Variants in MAP2K5 observed in about 807,000 individuals in gnomAD.
The protein encoded by MAP2K5 is dual specificity mitogen-activated protein kinase kinase 5.
In MAP2K5, 49 loss-of-function variants were observed where a neutral mutation model predicts 83.1. That is an observed-to-expected ratio of 0.59 (90% CI 0.47 to 0.75). The LOEUF is 0.75. MAP2K5 is among the 30% of genes least tolerant of loss of function. MAP2K5 has a pLI of 0.00. For missense variants in MAP2K5, 457 were observed against 557.5 expected, an observed-to-expected ratio of 0.82 and a Z score of 1.82; for synonymous variants, 202 against 191.8, an observed-to-expected ratio of 1.05 and a Z score of -0.44.
intron 1 of MAP2K5, chr15:67,548,978 T>C (rs2140942790): frequency 1.4e-6 from 2 of 1,401,486 alleles, no homozygotes; most frequent in Non-Finnish European, 1.9e-6. Context: ...CAAAAGCTTC[T>C]AAAGAATTGC....
At chr15:67,744,267 A>T (rs577225127) in intron 17 of MAP2K5, among the ~76,000 whole-genome samples, 61 of 152,262 alleles carry the variant, frequency 4.0e-4, no homozygotes, top group African/African-American at 1.3e-3. Context: ...TTGAAGTTTT[A>T]AAAAAAAGAA....
rs555690569 is a variant in MAP2K5 at position 67,568,823 on chromosome 15, T to C, written c.252+5473T>C. On this transcript the variant is annotated intron_variant, in intron 3 of 21. Coordinates refer to ENST00000178640, the MANE Select transcript of MAP2K5 (RefSeq NM_145160.3). The stretch of plus-strand genomic sequence containing the variant: ...AGATCGTGACCATCCTGACTAACAC[T>C]GTGAAACCCCATTTCTACTAAAAAT... 3.3e-5 allele frequency among the ~76,000 whole-genome samples: 5 copies of C among 151,708 alleles called. No homozygotes were observed. In the East Asian group the frequency reaches 9.7e-4, roughly 29 times the overall value.
chr15:67,756,558 TGTGTTGA>T (rs1424714426), intron 19 of MAP2K5, among the ~76,000 whole-genome samples: 2 of 72,364 alleles, frequency 2.8e-5, no homozygotes, highest in East Asian at 3.3e-4. Context: ...TGTGTGTGTG[TGTGTTGA>T]TAACACTTAC....
In MAP2K5 at chr15:67,569,018, A is replaced by C. The variant is rs2084899366; in HGVS notation, c.252+5668A>C. On this transcript the variant is annotated intron_variant, in intron 3 of 21. Transcript: ENST00000178640. ...AAGACTCCATCTCAAAAAAAAAAAA[A>C]ACAAAAAAAAAAAACAAAACTCTGT... 2.7e-5 allele frequency among the ~76,000 whole-genome samples: 4 copies of C among 149,868 alleles called. No individual in the cohort carries two copies. In the South Asian group the frequency reaches 6.3e-4, roughly 24 times the overall value.
chr15:67,588,042 C>T, intron 6 of MAP2K5: 1 of 973,594 alleles, frequency 1.0e-6, no homozygotes, highest in Non-Finnish European at 1.2e-6. Flanking sequence ...AGCCATCTTG[C>T]CAGTGTACAG....
rs1176037337 is a variant in MAP2K5, at chr15:67,717,109, A to G, written c.1045-10807A>G. Among the ~76,000 whole-genome samples the G allele has an allele frequency of 2.6e-5, 4 of 152,162 alleles. No homozygotes were observed. The highest frequency in any genetic ancestry group is 9.7e-5 in the African/African-American group (4 of 41,438). ...ATCAAGTAGTTTGAAAAAAGAAGAG[A>G]TGAATGGTAAATGGAACTGAGCAGG... On this transcript the variant is annotated intron_variant, in intron 16 of 21. Transcript: ENST00000178640. This position sits in a 1 kb window ranked among gnomAD's most constrained non-coding sequence, Gnocchi z 4.1.
At chr15:67,597,185 A>G (rs77577252) in intron 7 of MAP2K5, among the ~76,000 whole-genome samples, 1 of 135,938 alleles carries the variant, frequency 7.4e-6, no homozygotes, top group Non-Finnish European at 1.6e-5. Context: ...GAAAAAAAAA[A>G]GAAAAAAAAA....
intron 19 of MAP2K5, among the ~76,000 whole-genome samples, chr15:67,759,037 T>C (rs1199289190): frequency 6.6e-6 from 1 of 152,234 alleles, no homozygotes; most frequent in African/African-American, 2.4e-5. Flanking sequence ...TTCTGTGTAC[T>C]CTGTTTAATT....
In MAP2K5 at chr15:67,738,901, T is replaced by C. The variant is rs12592373; in HGVS notation, c.1075-9330T>C. Among the ~76,000 whole-genome samples the C allele has an allele frequency of 0.11, 16,395 of 152,198 alleles. 976 individuals carry two copies. Among genetic ancestry groups the C allele is most frequent in the Admixed American group, 0.11 (1,727 of 15,282 alleles). On this transcript the variant is annotated intron_variant, in intron 17 of 21. Coordinates refer to ENST00000178640, the MANE Select transcript of MAP2K5 (RefSeq NM_145160.3). The surrounding 1 kb of genome is among the most constrained non-coding windows in gnomAD (Gnocchi z 4.1). The stretch of plus-strand genomic sequence containing the variant: ...GCCCTCTTGCTCATCACCATCTCCC[T>C]CCGATTACTTCCTTGAAGTTTACTG...
rs1158145133 is a variant in MAP2K5 at position 67,636,504 on chromosome 15, A to G, written c.585+5577A>G. ...ATGTGTCATATCTGGATCAGTTTTG[A>G]CTGATTCCTCTTCTCCTCACTTTGG... On this transcript the variant is annotated intron_variant, in intron 9 of 21. Coordinates refer to ENST00000178640, the MANE Select transcript of MAP2K5 (RefSeq NM_145160.3). This position sits in a 1 kb window ranked among gnomAD's most constrained non-coding sequence, Gnocchi z 4.7. Among the ~76,000 whole-genome samples, 2 of 150,926 alleles carry G rather than the reference A, an allele frequency of 1.3e-5. No individual in the cohort carries two copies. The highest frequency in any genetic ancestry group is 1.3e-4 in the Admixed American group (2 of 15,174).
At chr15:67,604,564 T>C (rs1215294411) in intron 8 of MAP2K5, among the ~76,000 whole-genome samples, 3 of 152,190 alleles carry the variant, frequency 2.0e-5, no homozygotes, top group Admixed American at 6.5e-5. Context: ...TAATGTCTTA[T>C]GCCTCAGTTT....
rs926882568 is a variant in MAP2K5 at position 67,603,395 on chromosome 15, C to T, written c.545+2646C>T. On this transcript the variant is annotated intron_variant, in intron 8 of 21. Coordinates refer to ENST00000178640, the MANE Select transcript of MAP2K5 (RefSeq NM_145160.3). Reference sequence around the variant, plus strand: ...TAACGTTAGGAATTTATCCTAAGAGCTCATTTAGCTACCGTTGCTAATGCT... The same window carrying T: ...TAACGTTAGGAATTTATCCTAAGAGTTCATTTAGCTACCGTTGCTAATGCT... 7.9e-5 allele frequency among the ~76,000 whole-genome samples: 12 copies of T among 152,282 alleles called. 1 individual carries two copies. Among genetic ancestry groups the T allele is most frequent in the Admixed American group, 7.2e-4 (11 of 15,294 alleles).
chr15:67,596,139 A>C (rs988665833), intron 7 of MAP2K5, among the ~76,000 whole-genome samples: 2 of 152,110 alleles, frequency 1.3e-5, no homozygotes, highest in Admixed American at 6.5e-5. Context: ...CTCTAGAAAA[A>C]CTTTTTGTAT....
chr15:67,670,880 T>C (rs1318478387), intron 13 of MAP2K5, among the ~76,000 whole-genome samples: 1 of 152,214 alleles, frequency 6.6e-6, no homozygotes, highest in African/African-American at 2.4e-5. Context: ...AATTGGACAG[T>C]TCTTTCTGTA....
At position 67,769,955 on chromosome 15, in the gene MAP2K5, G is replaced by A; in HGVS notation, c.1196+292G>A. 3.6e-6 allele frequency: 1 copy of A among 275,002 alleles called. No homozygotes were observed. Among genetic ancestry groups the A allele is most frequent in the Admixed American group, 5.0e-5 (1 of 19,888 alleles). The allele number at this position is 275,002 out of a possible 1,614,324, so 17.0% of individuals were successfully genotyped here. On this transcript the variant is annotated intron_variant, in intron 20 of 21. Transcript: ENST00000178640. The surrounding 1 kb of genome is among the most constrained non-coding windows in gnomAD (Gnocchi z 5.2). ...CTGTTGCCATCCTTTTTTAAAAAAA[G>A]AAATACACAATTTTATAGCCCCTAC...
At chr15:67,761,058 A>G (rs766877395) in intron 19 of MAP2K5, among the ~76,000 whole-genome samples, 1 of 151,910 alleles carries the variant, frequency 6.6e-6, no homozygotes, top group Non-Finnish European at 1.5e-5. Context: ...TCCATTCCAG[A>G]ATGGAGGCAG....
intron 8 of MAP2K5, among the ~76,000 whole-genome samples, chr15:67,624,317 C>G (rs984410283): frequency 2.5e-5 from 3 of 120,294 alleles, no homozygotes; most frequent in Non-Finnish European, 3.2e-5. Flanking sequence ...CCAGCCTGGG[C>G]GACAGAGCAA....
At chr15:67,694,759 G>T in intron 15 of MAP2K5, among the ~76,000 whole-genome samples, 1 of 151,884 alleles carries the variant, frequency 6.6e-6, no homozygotes, top group Non-Finnish European at 1.5e-5. Context: ...CCATTACCAG[G>T]TATATACCCA....
chr15:67,707,930 C>CAGTTT (rs1290795439), intron 16 of MAP2K5, among the ~76,000 whole-genome samples: 4 of 151,980 alleles, frequency 2.6e-5, no homozygotes, highest in Non-Finnish European at 4.4e-5. Flanking sequence ...TTAAGTTAAC[C>CAGTTT]AGTTTATTCT....
Sources: allele counts gnomAD v4.1 joint callset (sites outside exome capture counted in the v4.1 genomes callset), GRCh38; gene constraint gnomAD v4.1.1; non-coding constraint Gnocchi (gnomAD v3.1); transcripts MANE v1.5; gene names NCBI Gene and HGNC (gene_info 2026-07-23, HGNC 2026-07-21).